CNTN5: variants seen among roughly 807,000 people sequenced by gnomAD.
CNTN5 encodes the protein contactin 5.
In CNTN5, 77 loss-of-function variants were observed where a neutral mutation model predicts 129.1. The ratio of observed to expected loss-of-function variants is 0.60; its 90% CI spans 0.50 to 0.72. The LOEUF (loss-of-function observed/expected upper bound fraction) is 0.72. Among genes scored for constraint, CNTN5 ranks in the 30% least tolerant of loss-of-function variants. CNTN5 has a pLI of 0.00. For synonymous variants in CNTN5, 509 were observed against 465.6 expected, an observed-to-expected ratio of 1.09 and a Z score of -1.20; for missense variants, 1,478 against 1,328.8, an observed-to-expected ratio of 1.11 and a Z score of -1.75.
intron 3 of CNTN5, among the ~76,000 whole-genome samples, chr11:99,628,132 A>G (rs1480333995): frequency 1.3e-5 from 2 of 151,936 alleles, no homozygotes; most frequent in Admixed American, 1.3e-4. Context: ...TCATTTCAGC[A>G]TCAACTTGGT....
At chr11:99,380,203 T>C (rs1252867745) in intron 2 of CNTN5, among the ~76,000 whole-genome samples, 1 of 152,074 alleles carries the variant, frequency 6.6e-6, no homozygotes, top group Non-Finnish European at 1.5e-5. Context: ...ATTTGTCCTT[T>C]GTTTGGTGCA....
At chr11:99,450,776 T>G (rs1402111928) in intron 2 of CNTN5, among the ~76,000 whole-genome samples, 1 of 150,308 alleles carries the variant, frequency 6.7e-6, no homozygotes, top group Non-Finnish European at 1.5e-5. Flanking sequence ...AAGTTTTTTT[T>G]TTTTTTTTTT....
At chr11:99,855,196 T>G (rs1302814605) in intron 6 of CNTN5, among the ~76,000 whole-genome samples, 2 of 152,002 alleles carry the variant, frequency 1.3e-5, no homozygotes, top group Non-Finnish European at 2.9e-5. Flanking sequence ...ATGGTCCCAG[T>G]TACTTGGGAG....
chr11:100,027,315 C>T (rs1379969079), intron 9 of CNTN5, among the ~76,000 whole-genome samples: 1 of 152,118 alleles, frequency 6.6e-6, no homozygotes, highest in Non-Finnish European at 1.5e-5. Context: ...GGTTAAATTA[C>T]TCAGAAACAT....
At chr11:100,250,498 G>A (rs554828517) in intron 16 of CNTN5, among the ~76,000 whole-genome samples, 51 of 152,060 alleles carry the variant, frequency 3.4e-4, no homozygotes, top group Non-Finnish European at 6.0e-4. Context: ...AAATAAATAG[G>A]CAGTTTAATG....
chr11:99,502,836 C>G (rs1356295283), intron 2 of CNTN5, among the ~76,000 whole-genome samples: 2 of 152,138 alleles, frequency 1.3e-5, no homozygotes, highest in African/African-American at 2.4e-5. Flanking sequence ...GCCAAAGGCA[C>G]TTCAAACTCA....
At chr11:99,768,641 T>G (rs1944839142) in intron 3 of CNTN5, among the ~76,000 whole-genome samples, 1 of 152,152 alleles carries the variant, frequency 6.6e-6, no homozygotes, top group Admixed American at 6.6e-5. Context: ...TCCTCTTGAA[T>G]TTATTAACTA....
At chr11:99,829,990 G>C (rs528921964) in intron 4 of CNTN5, among the ~76,000 whole-genome samples, 1 of 152,240 alleles carries the variant, frequency 6.6e-6, no homozygotes, top group African/African-American at 2.4e-5. Flanking sequence ...TTTAGTAGGA[G>C]TAAACTTAAT....
At chr11:100,262,425 C>A (rs1039756646) in intron 17 of CNTN5, among the ~76,000 whole-genome samples, 2 of 152,160 alleles carry the variant, frequency 1.3e-5, no homozygotes, top group African/African-American at 4.8e-5. Flanking sequence ...TTTAACCCAG[C>A]AATCCTATTA....
intron 1 of CNTN5, among the ~76,000 whole-genome samples, chr11:99,028,446 T>C (rs1178680105): frequency 6.6e-6 from 1 of 151,882 alleles, no homozygotes; most frequent in African/African-American, 2.4e-5. Context: ...GTGACTAAGA[T>C]ACAGATTTTC....
At chr11:99,043,079 A>T (rs1864068650) in intron 1 of CNTN5, among the ~76,000 whole-genome samples, 1 of 152,172 alleles carries the variant, frequency 6.6e-6, no homozygotes, top group African/African-American at 2.4e-5. Context: ...ATAAAGAGTA[A>T]ATATTAGGAA....
At chr11:99,902,242 G>GTTTT (rs35494270) in intron 6 of CNTN5, among the ~76,000 whole-genome samples, 3 of 143,720 alleles carry the variant, frequency 2.1e-5, no homozygotes, top group African/African-American at 5.1e-5. Flanking sequence ...AAGCTAAGGA[G>GTTTT]TTTTTTTTTT....
chr11:99,126,566 G>T (rs1858644479), intron 1 of CNTN5, among the ~76,000 whole-genome samples: 1 of 152,108 alleles, frequency 6.6e-6, no homozygotes, highest in South Asian at 2.1e-4. Context: ...TGTCCAACCA[G>T]GTAAGAGCGT....
chr11:100,350,608 C>G (rs1952386618), intron 23 of CNTN5, 94 bp from the exon 24 acceptor site: 2 of 898,352 alleles, frequency 2.2e-6, no homozygotes, highest in Admixed American at 5.3e-5. Flanking sequence ...CTGTAAGCTC[C>G]TTGTGCTTAT....
chr11:99,037,579 T>TA (rs1555023994), intron 1 of CNTN5, among the ~76,000 whole-genome samples: 1 of 130,474 alleles, frequency 7.7e-6, no homozygotes, highest in Non-Finnish European at 1.5e-5. Flanking sequence ...TTCTTTTCTT[T>TA]TTTTTTTTTT....
At chr11:99,361,827 A>G (rs1404959591) in intron 2 of CNTN5, among the ~76,000 whole-genome samples, 1 of 152,080 alleles carries the variant, frequency 6.6e-6, no homozygotes, top group Non-Finnish European at 1.5e-5. Context: ...TTCTATTCCT[A>G]TTAAAGGCTG....
At chr11:99,760,276 C>T (rs1479999882) in intron 3 of CNTN5, among the ~76,000 whole-genome samples, 1 of 152,132 alleles carries the variant, frequency 6.6e-6, no homozygotes, top group African/African-American at 2.4e-5. Context: ...ACCTGTGTCA[C>T]AGAACTGTCA....
intron 4 of CNTN5, among the ~76,000 whole-genome samples, chr11:99,822,317 C>A (rs1272062891): frequency 6.6e-6 from 1 of 152,134 alleles, no homozygotes; most frequent in African/African-American, 2.4e-5. Flanking sequence ...GCATCTTCAC[C>A]ACAATATGTT....
At chr11:99,566,605 G>C (rs2135564551) in intron 3 of CNTN5, among the ~76,000 whole-genome samples, 1 of 152,298 alleles carries the variant, frequency 6.6e-6, no homozygotes, top group Middle Eastern at 3.4e-3. Context: ...AAGACACAGA[G>C]AATAGCAGTG....
Sources: gnomAD v4.1 joint callset for allele counts (sites outside exome capture counted in the v4.1 genomes callset) on GRCh38, gnomAD v4.1.1 for gene constraint, MANE v1.5 for transcripts, NCBI Gene and HGNC (gene_info 2026-07-23, HGNC 2026-07-21) for gene names.